ZCWPW2: variants seen among roughly 807,000 people sequenced by gnomAD.
ZCWPW2 encodes the protein zinc finger CW-type PWWP domain protein 2.
A neutral mutation model predicts 46.6 loss-of-function variants in ZCWPW2; 45 were observed. The observed-to-expected ratio is 0.96, with a 90% CI of 0.76 to 1.24. The LOEUF (loss-of-function observed/expected upper bound fraction) is 1.24, where lower values mean the gene tolerates loss of function less well. ZCWPW2 is among the 50% of genes most tolerant of loss of function. The pLI is 0.00. For synonymous variants in ZCWPW2, 152 were observed against 137.1 expected, an observed-to-expected ratio of 1.11 and a Z score of -0.76; for missense variants, 429 against 403.9, an observed-to-expected ratio of 1.06 and a Z score of -0.53.
intron 4 of ZCWPW2, among the ~76,000 whole-genome samples, chr3:28,454,096 G>A (rs988735753): frequency 1.4e-4 from 21 of 151,570 alleles, no homozygotes; most frequent in African/African-American, 4.4e-4. Flanking sequence ...CGCCCGCCTC[G>A]GCCTCCCAAA....
chr3:28,507,989 A>C (rs1389183482), intron 6 of ZCWPW2, among the ~76,000 whole-genome samples: 3 of 152,120 alleles, frequency 2.0e-5, no homozygotes, highest in African/African-American at 7.2e-5. Context: ...ATACTGGGTA[A>C]TTAATAAAGA....
chr3:28,379,045 A>G (rs1705588171), intron 1 of ZCWPW2, among the ~76,000 whole-genome samples: 1 of 152,144 alleles, frequency 6.6e-6, no homozygotes, highest in Admixed American at 6.5e-5. Flanking sequence ...CTTCCATAGT[A>G]TTCTATATTT....
Position 28,404,276 on chromosome 3 carries a change from A to G in ZCWPW2, c.-13-8780A>G, listed in dbSNP as rs573258828. On this transcript the variant is annotated intron_variant, in intron 2 of 9. Transcript: ENST00000383768. ...CAAATGACCAACAAACATACGAAAA[A>G]ATGCTCAACATCATGAATAATCAGG... 1.1e-3 allele frequency among the ~76,000 whole-genome samples: 161 copies of G among 152,316 alleles called. 1 individual carries two copies. The highest frequency in any genetic ancestry group is 1.1e-3 in the Non-Finnish European group (76 of 68,024).
intron 5 of ZCWPW2, among the ~76,000 whole-genome samples, chr3:28,480,923 T>C (rs1262162211): frequency 2.7e-5 from 4 of 147,546 alleles, no homozygotes; most frequent in Non-Finnish European, 5.9e-5. Flanking sequence ...TGGAGTGCAA[T>C]GGCGCGATCT....
chr3:28,390,258 T>C (rs1317273287), intron 1 of ZCWPW2, among the ~76,000 whole-genome samples: 2 of 152,202 alleles, frequency 1.3e-5, no homozygotes, highest in Admixed American at 1.3e-4. Flanking sequence ...ATTATTTTTA[T>C]TATTACTTAA....
intron 2 of ZCWPW2, among the ~76,000 whole-genome samples, chr3:28,403,835 A>G (rs1696045415): frequency 6.6e-6 from 1 of 152,242 alleles, no homozygotes; most frequent in South Asian, 2.1e-4. Flanking sequence ...ATAATTGGCT[A>G]GCCACATGCA....
intron 2 of ZCWPW2, among the ~76,000 whole-genome samples, chr3:28,400,203 G>A (rs1013495406): frequency 1.3e-5 from 2 of 151,980 alleles, no homozygotes; most frequent in Non-Finnish European, 2.9e-5. Context: ...TGAAGACAAG[G>A]TCTTTGGATT....
chr3:28,436,577 TA>T (rs1697510136), intron 4 of ZCWPW2, among the ~76,000 whole-genome samples: 1 of 152,216 alleles, frequency 6.6e-6, no homozygotes, highest in East Asian at 1.9e-4. Context: ...AATGGGTTTT[TA>T]CTATATCTTT....
At chr3:28,426,097 A>G (rs1172906688) in intron 3 of ZCWPW2, among the ~76,000 whole-genome samples, 3 of 152,020 alleles carry the variant, frequency 2.0e-5, no homozygotes, top group African/African-American at 4.8e-5. Flanking sequence ...CAACAAAAGC[A>G]AAACTCTGTC....
chr3:28,498,701 C>A (rs1238472059), intron 6 of ZCWPW2, among the ~76,000 whole-genome samples: 1 of 151,240 alleles, frequency 6.6e-6, no homozygotes, highest in African/African-American at 2.4e-5. Context: ...GCAGAACGTG[C>A]AGGTTTGTTA....
intron 1 of ZCWPW2, among the ~76,000 whole-genome samples, chr3:28,368,679 A>G (rs958886179): frequency 6.6e-5 from 10 of 151,978 alleles, no homozygotes; most frequent in East Asian, 1.9e-4. Flanking sequence ...GGCATTCTCT[A>G]TATTTCCTGA....
At chr3:28,439,053 G>A (rs530972346) in intron 4 of ZCWPW2, among the ~76,000 whole-genome samples, 2 of 146,818 alleles carry the variant, frequency 1.4e-5, no homozygotes, top group South Asian at 2.2e-4. Flanking sequence ...TCTATGGTGT[G>A]TGTGTGTATA....
chr3:28,514,484 G>A lies in ZCWPW2; in HGVS notation c.716+362G>A, dbSNP rs112899501. The stretch of plus-strand genomic sequence containing the variant: ...TATAGGTGGAAACTGACATAGTGAG[G>A]GCCCAAAAGAAATTTGTACCAGGAT... On this transcript the variant is annotated intron_variant, in intron 7 of 9. Transcript: ENST00000383768. Among the ~76,000 whole-genome samples, 710 of 152,132 alleles carry A rather than the reference G, an allele frequency of 4.7e-3. 4 individuals carry two copies. Among genetic ancestry groups the A allele is most frequent in the African/African-American group, 0.016 (679 of 41,500 alleles).
chr3:28,395,004 C>T (rs1695640394), intron 2 of ZCWPW2, among the ~76,000 whole-genome samples: 1 of 152,050 alleles, frequency 6.6e-6, no homozygotes, highest in South Asian at 2.1e-4. Flanking sequence ...GTAAGCCATA[C>T]ATCTGATAAG....
intron 5 of ZCWPW2, among the ~76,000 whole-genome samples, chr3:28,489,546 TG>T (rs2125814510): frequency 6.6e-6 from 1 of 152,142 alleles, no homozygotes; most frequent in South Asian, 2.1e-4. Flanking sequence ...GATAGAAGAA[TG>T]GTGGAGTCAC....
chr3:28,500,156 C>T (rs1166940147), intron 6 of ZCWPW2, among the ~76,000 whole-genome samples: 1 of 151,944 alleles, frequency 6.6e-6, no homozygotes, highest in Non-Finnish European at 1.5e-5. Context: ...AGTGCTCTCA[C>T]CATCAGTGCT....
chr3:28,456,532 G>A (rs560872345), intron 4 of ZCWPW2, among the ~76,000 whole-genome samples: 1 of 152,264 alleles, frequency 6.6e-6, no homozygotes, highest in African/African-American at 2.4e-5. Context: ...AGATGAGAGA[G>A]GCAATCCTTA....
intron 1 of ZCWPW2, among the ~76,000 whole-genome samples, chr3:28,364,501 G>T (rs1575050291): frequency 6.6e-6 from 1 of 151,908 alleles, no homozygotes; most frequent in East Asian, 1.9e-4. Flanking sequence ...TGGATCAAAT[G>T]GTAGTTCTTC....
At chr3:28,360,468 A>T (rs974765322) in intron 1 of ZCWPW2, among the ~76,000 whole-genome samples, 1 of 150,896 alleles carries the variant, frequency 6.6e-6, no homozygotes, top group Non-Finnish European at 1.5e-5. Flanking sequence ...GCTTGCAGTG[A>T]GTCGAGATTG....
Sources: gnomAD v4.1 joint callset for allele counts (sites outside exome capture counted in the v4.1 genomes callset) on GRCh38, gnomAD v4.1.1 for gene constraint, MANE v1.5 for transcripts, NCBI Gene and HGNC (gene_info 2026-07-23, HGNC 2026-07-21) for gene names.